The following LYPLAL1 variants were observed in gnomAD, a reference collection of about 807,000 sequenced individuals.
The protein encoded by LYPLAL1 is lysophospholipase-like protein 1.
Under a neutral mutation model 19.7 loss-of-function variants are expected in LYPLAL1, and 23 were observed. The observed-to-expected ratio is 1.17, with a 90% CI of 0.84 to 1.65. The LOEUF is 1.65. Among genes scored for constraint, LYPLAL1 ranks in the 40% most tolerant of loss-of-function variants. The probability of loss-of-function intolerance (pLI) is 0.00; values close to 1 mark genes in which losing one functional copy is unlikely to be tolerated. For missense variants in LYPLAL1, 355 were observed against 279.4 expected (o/e 1.27, Z -1.93); for synonymous variants, 119 against 96.3 (o/e 1.24, Z -1.38).
At chr1:219,387,515 T>A in the LYPLAL1 span, among the ~76,000 whole-genome samples, 1 of 152,186 alleles carries the variant, frequency 6.6e-6, no homozygotes, top group Admixed American at 6.6e-5. Context: ...TTGAAGCCAG[T>A]TCCCCTTAAG....
At chr1:219,428,944 A>G in the LYPLAL1 span, among the ~76,000 whole-genome samples, 1 of 64,866 alleles carries the variant, frequency 1.5e-5, no homozygotes, top group Admixed American at 1.2e-4. Flanking sequence ...TTGTGTGTGC[A>G]TCTGTGTGTG....
the LYPLAL1 span, among the ~76,000 whole-genome samples, chr1:219,270,032 C>G: frequency 6.6e-6 from 1 of 152,160 alleles, no homozygotes; most frequent in Non-Finnish European, 1.5e-5. Context: ...CTCTAAATCT[C>G]AAGCTTAGAT....
the LYPLAL1 span, among the ~76,000 whole-genome samples, chr1:219,403,146 G>A: frequency 6.6e-6 from 1 of 152,232 alleles, no homozygotes; most frequent in South Asian, 2.1e-4. Flanking sequence ...TGGAAAGCAA[G>A]TGACTCATGC....
At chr1:219,198,891 A>G (rs1657834793) in intron 3 of LYPLAL1, 1 of 152,298 alleles carries the variant, frequency 6.6e-6, no homozygotes, top group Admixed American at 6.5e-5. Context: ...TGAGCTTTTC[A>G]TCAAATACAG....
chr1:219,222,477 GAA>G, the LYPLAL1 span: 1 of 152,124 alleles, frequency 6.6e-6, no homozygotes, highest in Non-Finnish European at 1.5e-5. Flanking sequence ...TAGTTGTAAA[GAA>G]AACAAAACAA....
At chr1:219,424,231 A>G in the LYPLAL1 span, among the ~76,000 whole-genome samples, 1 of 152,188 alleles carries the variant, frequency 6.6e-6, no homozygotes, top group Non-Finnish European at 1.5e-5. Context: ...ATCTAATTAA[A>G]TAAAACTATA....
chr1:219,379,895 T>C, the LYPLAL1 span, among the ~76,000 whole-genome samples: 4 of 152,212 alleles, frequency 2.6e-5, no homozygotes, highest in Non-Finnish European at 4.4e-5. Flanking sequence ...GAAGAAAACA[T>C]GCCCACGGGC....
chr1:219,331,551 C>T, the LYPLAL1 span, among the ~76,000 whole-genome samples: 2 of 152,288 alleles, frequency 1.3e-5, no homozygotes, highest in Admixed American at 1.3e-4. Context: ...ACAAACAATG[C>T]TAATGCCTAT....
chr1:219,292,758 C>T, the LYPLAL1 span, among the ~76,000 whole-genome samples: 5 of 152,106 alleles, frequency 3.3e-5, no homozygotes, highest in Admixed American at 6.5e-5. Flanking sequence ...TTTCTAATCA[C>T]GTAAGAAGGT....
the LYPLAL1 span, among the ~76,000 whole-genome samples, chr1:219,394,475 C>T: frequency 6.6e-6 from 1 of 152,204 alleles, no homozygotes; most frequent in Admixed American, 6.5e-5. Context: ...ACCCATTAAA[C>T]CAGAACTCCC....
At chr1:219,407,805 G>A in the LYPLAL1 span, among the ~76,000 whole-genome samples, 130 of 152,088 alleles carry the variant, frequency 8.5e-4, no homozygotes, top group Non-Finnish European at 1.8e-4. Context: ...TCTGGAGGCT[G>A]GGAAGCCCAC....
the LYPLAL1 span, among the ~76,000 whole-genome samples, chr1:219,412,778 C>T: frequency 2.6e-5 from 4 of 152,078 alleles, no homozygotes; most frequent in South Asian, 2.1e-4. Context: ...CCAATGTTAC[C>T]GACACAGGCA....
At chr1:219,405,228 T>C in the LYPLAL1 span, among the ~76,000 whole-genome samples, 1 of 152,216 alleles carries the variant, frequency 6.6e-6, no homozygotes, top group African/African-American at 2.4e-5. Flanking sequence ...GGAGCTCATA[T>C]TGACTATTTT....
At chr1:219,432,923 A>G in the LYPLAL1 span, among the ~76,000 whole-genome samples, 2 of 152,070 alleles carry the variant, frequency 1.3e-5, no homozygotes, top group Non-Finnish European at 2.9e-5. Context: ...GGTTCCATGA[A>G]ATGGTGGCAA....
the LYPLAL1 span, among the ~76,000 whole-genome samples, chr1:219,423,417 G>C: frequency 6.6e-6 from 1 of 152,124 alleles, no homozygotes; most frequent in Non-Finnish European, 1.5e-5. Context: ...GTTTCGTTTT[G>C]CTATGGTGAT....
intron 3 of LYPLAL1, among the ~76,000 whole-genome samples, chr1:219,206,711 TTTTC>T (rs1290708929): frequency 6.6e-6 from 1 of 151,620 alleles, no homozygotes; most frequent in East Asian, 1.9e-4. Context: ...CGGGTAAATG[TTTTC>T]TTTCTCTCTT....
At chr1:219,440,012 TACACACACAC>T in the LYPLAL1 span, among the ~76,000 whole-genome samples, 148 of 100,872 alleles carry the variant, frequency 1.5e-3, no homozygotes, top group African/African-American at 6.1e-3. Flanking sequence ...TATATATATA[TACACACACAC>T]ACATATATAT....
chr1:219,222,465 C>T, the LYPLAL1 span: 5 of 152,058 alleles, frequency 3.3e-5, no homozygotes, highest in Non-Finnish European at 5.9e-5. Context: ...AGCAGGCATG[C>T]GTAGTTGTAA....
At chr1:219,189,202 T>C (rs1656954014) in intron 2 of LYPLAL1, among the ~76,000 whole-genome samples, 1 of 151,706 alleles carries the variant, frequency 6.6e-6, no homozygotes, top group Admixed American at 6.6e-5. Flanking sequence ...ATTCACATTT[T>C]AGCCTATGAT....
Sources: allele counts gnomAD v4.1 joint callset (sites outside exome capture counted in the v4.1 genomes callset), GRCh38; gene constraint gnomAD v4.1.1; transcripts MANE v1.5; gene names NCBI Gene and HGNC (gene_info 2026-07-23, HGNC 2026-07-21).